The following RASSF8 variants were observed in gnomAD, a reference collection of about 807,000 sequenced individuals.
The protein encoded by RASSF8 is Ras association domain family member 8, also known as ras association domain-containing protein 8.
In RASSF8, 22 loss-of-function variants were observed where a neutral mutation model predicts 48.5. The observed-to-expected ratio is 0.45, with a 90% confidence interval of 0.32 to 0.65. The LOEUF (loss-of-function observed/expected upper bound fraction) is 0.65, where lower values mean the gene tolerates loss of function less well. RASSF8 is among the 30% of genes least tolerant of loss of function. The pLI is 0.03. For synonymous variants in RASSF8, 127 were observed against 171.5 expected (o/e 0.74, Z 2.03); for missense variants, 418 against 489.2 (o/e 0.85, Z 1.37).
At chr12:25,978,073 G>A (rs1285260732) in intron 1 of RASSF8, among the ~76,000 whole-genome samples, 2 of 152,318 alleles carry the variant, frequency 1.3e-5, no homozygotes, top group African/African-American at 2.4e-5. Context: ...TGTGCTGAGC[G>A]AATGCACTTT....
intron 2 of RASSF8, among the ~76,000 whole-genome samples, chr12:26,028,036 C>T (rs573546583): frequency 1.4e-4 from 21 of 152,246 alleles, no homozygotes; most frequent in African/African-American, 5.1e-4. Flanking sequence ...GCCCATGCAG[C>T]ATCGGGGTCT....
Position 26,069,341 on chromosome 12 carries a change from A to C in RASSF8, c.*523A>C, listed in dbSNP as rs1565650476. On this transcript the variant is annotated 3_prime_UTR_variant, in exon 6 of 6. Coordinates refer to ENST00000689635, the MANE Select transcript of RASSF8 (RefSeq NM_001394098.1). ...CACAAGTGTCCTAGGGTGCTCCACC[A>C]TCGAAGCTAACTCCACAGGAAGCCA... 1 of 984,852 alleles carries C rather than the reference A, an allele frequency of 1.0e-6. No individual in the cohort carries two copies. Among genetic ancestry groups the C allele is most frequent in the Non-Finnish European group, 1.2e-6 (1 of 829,500 alleles). The allele number at this position is 984,852 out of a possible 1,614,324, so 61.0% of individuals were successfully genotyped here. A position where few individuals can be genotyped will look rare whatever the true frequency, so the allele number is the denominator to read the frequency against.
rs761001802 is a variant in RASSF8 at position 26,066,015 on chromosome 12, TCAAA to T, written c.993+631_993+634del. 2.6e-5 allele frequency among the ~76,000 whole-genome samples: 4 copies of T among 152,304 alleles called. No homozygotes were observed. The East Asian group carries it at 5.8e-4, about 22-fold the overall frequency. ...ATGTTGCGGAAGTTGCAAAGATGTA[TCAAA>T]CAGTCTGTATCAGATGGGACGAGAA... is the stretch of plus-strand genomic sequence containing the variant. On this transcript the variant is annotated intron_variant, in intron 4 of 5. Coordinates refer to ENST00000689635, the MANE Select transcript of RASSF8 (RefSeq NM_001394098.1).
intron 2 of RASSF8, among the ~76,000 whole-genome samples, chr12:26,052,331 G>C (rs7970049): frequency 2.0e-5 from 3 of 152,088 alleles, no homozygotes; most frequent in African/African-American, 4.8e-5. Context: ...GACAATAAAT[G>C]GTTCTTAGCT....
chr12:26,063,380 T>C (rs1943789579), intron 3 of RASSF8, among the ~76,000 whole-genome samples: 1 of 152,072 alleles, frequency 6.6e-6, no homozygotes, highest in Non-Finnish European at 1.5e-5. Flanking sequence ...GTATATGTGA[T>C]TGTATTCTGG....
At chr12:26,038,230 C>T (rs1943192455) in intron 2 of RASSF8, among the ~76,000 whole-genome samples, 1 of 152,176 alleles carries the variant, frequency 6.6e-6, no homozygotes, top group Non-Finnish European at 1.5e-5. Context: ...ATCACGGTCT[C>T]AGAGAACCTC....
intron 2 of RASSF8, among the ~76,000 whole-genome samples, chr12:26,027,176 A>G (rs1042331896): frequency 6.6e-6 from 1 of 152,310 alleles, no homozygotes. Flanking sequence ...ATGATCGCCT[A>G]TGGCTGGGGA....
Position 25,977,522 on chromosome 12 carries a change from T to C in RASSF8, c.-202-17515T>C, listed in dbSNP as rs116018810. ...AAATAACCCAGATCATTGCAGTTCT[T>C]GTTCTTGACCTCATGTATTTAACAG... is the stretch of plus-strand genomic sequence containing the variant. On this transcript the variant is annotated intron_variant, in intron 1 of 5. Transcript: ENST00000689635. 3.1e-3 allele frequency among the ~76,000 whole-genome samples: 469 copies of C among 152,308 alleles called. 6 individuals carry two copies. Among genetic ancestry groups the C allele is most frequent in the African/African-American group, 0.011 (449 of 41,576 alleles).
At chr12:26,033,372 T>C (rs1943068106) in intron 2 of RASSF8, among the ~76,000 whole-genome samples, 1 of 152,252 alleles carries the variant, frequency 6.6e-6, no homozygotes, top group South Asian at 2.1e-4. Context: ...AGCATGTTTT[T>C]GATTTCACAA....
chr12:26,015,517 CA>C (rs1942627568), intron 2 of RASSF8, among the ~76,000 whole-genome samples: 1 of 152,134 alleles, frequency 6.6e-6, no homozygotes, highest in Non-Finnish European at 1.5e-5. Flanking sequence ...ACCTGACAAG[CA>C]AAGAGATTGA....
intron 2 of RASSF8, among the ~76,000 whole-genome samples, chr12:26,025,237 G>A (rs1250232469): frequency 1.3e-5 from 2 of 151,936 alleles, no homozygotes; most frequent in African/African-American, 2.4e-5. Flanking sequence ...GGTTTTAGGC[G>A]AGACACTTAG....
chr12:25,971,039 T>A (rs1407977081), intron 1 of RASSF8, among the ~76,000 whole-genome samples: 1 of 152,210 alleles, frequency 6.6e-6, no homozygotes, highest in Non-Finnish European at 1.5e-5. Context: ...TTAGAAGCCC[T>A]CTACTTTAAA....
chr12:26,078,143 A>G (rs1373063184), intron 5 of RASSF8, among the ~76,000 whole-genome samples: 1 of 152,252 alleles, frequency 6.6e-6, no homozygotes, highest in Non-Finnish European at 1.5e-5. Context: ...GAGATATAGC[A>G]GTGAATCACA....
intron 1 of RASSF8, among the ~76,000 whole-genome samples, chr12:25,965,761 T>G (rs1368267285): frequency 6.6e-6 from 1 of 152,234 alleles, no homozygotes; most frequent in African/African-American, 2.4e-5. Flanking sequence ...TTCTGGAATT[T>G]TAGATTAATG....
intron 2 of RASSF8, among the ~76,000 whole-genome samples, chr12:26,020,941 C>G (rs541969476): frequency 5.9e-5 from 9 of 152,268 alleles, no homozygotes; most frequent in African/African-American, 2.2e-4. Flanking sequence ...TTAATATTTT[C>G]TAAGCACTCA....
intron 2 of RASSF8, among the ~76,000 whole-genome samples, chr12:26,049,129 A>T (rs912396462): frequency 1.3e-5 from 2 of 152,178 alleles, no homozygotes; most frequent in Non-Finnish European, 2.9e-5. Context: ...TTGTAAGTGC[A>T]CTTCTGTCAG....
At chr12:26,056,727 T>G (rs780963651) in intron 3 of RASSF8, among the ~76,000 whole-genome samples, 1 of 152,230 alleles carries the variant, frequency 6.6e-6, no homozygotes, top group Non-Finnish European at 1.5e-5. Flanking sequence ...AAGAATATAT[T>G]GCAGCAATGC....
chr12:25,981,793 T>G (rs1286459703), intron 1 of RASSF8, among the ~76,000 whole-genome samples: 1 of 152,226 alleles, frequency 6.6e-6, no homozygotes, highest in African/African-American at 2.4e-5. Flanking sequence ...GTCAGGGCTT[T>G]AACTTGTCAG....
chr12:26,017,160 A>T (rs138046689), intron 2 of RASSF8, among the ~76,000 whole-genome samples: 1 of 152,172 alleles, frequency 6.6e-6, no homozygotes, highest in Non-Finnish European at 1.5e-5. Flanking sequence ...TTGTCTTTAT[A>T]TCAATATTGT....
Sources: gnomAD v4.1 joint callset for allele counts (sites outside exome capture counted in the v4.1 genomes callset) on GRCh38, gnomAD v4.1.1 for gene constraint, MANE v1.5 for transcripts, NCBI Gene and HGNC (gene_info 2026-07-23, HGNC 2026-07-21) for gene names.